The following CACNA2D3 variants were observed in gnomAD, a reference collection of about 807,000 sequenced individuals.
The protein encoded by CACNA2D3 is voltage-dependent calcium channel subunit alpha-2/delta-3.
In CACNA2D3, 60 loss-of-function variants were observed where a neutral mutation model predicts 160.6. That is an observed-to-expected ratio of 0.37 (90% confidence interval 0.30 to 0.46). The LOEUF is 0.46. CACNA2D3 is among the 20% of genes least tolerant of loss of function. The pLI, the probability that CACNA2D3 is intolerant of heterozygous loss-of-function variation, is 1.00. For missense variants in CACNA2D3, 1,205 were observed against 1,365.0 expected (o/e 0.88, Z 1.85); for synonymous variants, 558 against 492.9 (o/e 1.13, Z -1.75).
chr3:54,289,184 C>G (rs373299635), intron 2 of CACNA2D3, among the ~76,000 whole-genome samples: 1 of 152,152 alleles, frequency 6.6e-6, no homozygotes, highest in Non-Finnish European at 1.5e-5. Context: ...AAATCTCCTT[C>G]AGCTGATAAG....
At chr3:54,551,651 C>G (rs1702159760) in intron 5 of CACNA2D3, among the ~76,000 whole-genome samples, 1 of 152,270 alleles carries the variant, frequency 6.6e-6, no homozygotes, top group Non-Finnish European at 1.5e-5. Context: ...GGATTAATCT[C>G]TCTGTGATGA....
chr3:54,172,233 T>C (rs1049635631), intron 2 of CACNA2D3, among the ~76,000 whole-genome samples: 1 of 152,208 alleles, frequency 6.6e-6, no homozygotes, highest in Non-Finnish European at 1.5e-5. Flanking sequence ...TTGAAAGGTG[T>C]TCATTTGATT....
chr3:54,335,431 T>C (rs1704352728), intron 3 of CACNA2D3, among the ~76,000 whole-genome samples: 1 of 152,254 alleles, frequency 6.6e-6, no homozygotes, highest in South Asian at 2.1e-4. Flanking sequence ...TTTCCCTTTT[T>C]AGACCATATA....
chr3:54,977,012 G>A (rs1248233049), intron 29 of CACNA2D3, among the ~76,000 whole-genome samples: 1 of 152,172 alleles, frequency 6.6e-6, no homozygotes, highest in African/African-American at 2.4e-5. Context: ...GTATGAAACT[G>A]TGTTTATTTT....
chr3:55,004,048 A>C (rs923890959), intron 31 of CACNA2D3, among the ~76,000 whole-genome samples: 3 of 152,206 alleles, frequency 2.0e-5, no homozygotes, highest in Non-Finnish European at 4.4e-5. Flanking sequence ...TTGATGGGGG[A>C]ATTAAAATAC....
intron 4 of CACNA2D3, among the ~76,000 whole-genome samples, chr3:54,435,955 C>T (rs994222518): frequency 8.6e-5 from 13 of 152,042 alleles, no homozygotes; most frequent in African/African-American, 2.4e-4. Context: ...AAAAACCTCA[C>T]GGGTTACACT....
chr3:54,945,969 A>G (rs1191107057), intron 27 of CACNA2D3, among the ~76,000 whole-genome samples: 1 of 152,198 alleles, frequency 6.6e-6, no homozygotes, highest in Non-Finnish European at 1.5e-5. Context: ...TCTTCACAAG[A>G]GTTCTTTGCC....
intron 35 of CACNA2D3, among the ~76,000 whole-genome samples, chr3:55,045,794 AAT>A (rs1704065605): frequency 8.0e-6 from 1 of 124,524 alleles, no homozygotes; most frequent in South Asian, 2.5e-4. Context: ...TTTACTTTGT[AAT>A]AGATAAAACA....
At chr3:54,468,894 C>A (rs936842013) in intron 4 of CACNA2D3, among the ~76,000 whole-genome samples, 1 of 152,084 alleles carries the variant, frequency 6.6e-6, no homozygotes. Context: ...TTTCTGGGTA[C>A]GACATCTCTG....
At chr3:54,979,090 A>G (rs1166167795) in intron 29 of CACNA2D3, among the ~76,000 whole-genome samples, 1 of 152,214 alleles carries the variant, frequency 6.6e-6, no homozygotes, top group East Asian at 1.9e-4. Context: ...TTTTAAAGCC[A>G]AGCCTAGCCA....
chr3:54,179,179 AAG>A (rs1559873404), intron 2 of CACNA2D3, among the ~76,000 whole-genome samples: 2 of 152,214 alleles, frequency 1.3e-5, no homozygotes, highest in African/African-American at 4.8e-5. Context: ...GAAAAAGGGA[AAG>A]AGAAATAGCC....
intron 2 of CACNA2D3, among the ~76,000 whole-genome samples, chr3:54,245,224 T>TAAAA (rs932166414): frequency 1.3e-5 from 2 of 151,874 alleles, no homozygotes; most frequent in Admixed American, 1.3e-4. Flanking sequence ...ATTTTTTTTT[T>TAAAA]AAAAAATTTA....
At chr3:54,439,425 C>G (rs368376755) in intron 4 of CACNA2D3, among the ~76,000 whole-genome samples, 1 of 152,098 alleles carries the variant, frequency 6.6e-6, no homozygotes. Flanking sequence ...GAAGAGAGTT[C>G]TTAGCAACCA....
chr3:54,393,132 C>T (rs1053319833), intron 4 of CACNA2D3, among the ~76,000 whole-genome samples: 3 of 152,178 alleles, frequency 2.0e-5, no homozygotes, highest in African/African-American at 2.4e-5. Context: ...CTACCCCATC[C>T]CCAAGGTGGG....
At chr3:54,461,745 T>G (rs1462749760) in intron 4 of CACNA2D3, among the ~76,000 whole-genome samples, 2 of 152,114 alleles carry the variant, frequency 1.3e-5, no homozygotes, top group African/African-American at 4.8e-5. Context: ...ATTGATTAAT[T>G]TTTTGAAGGG....
intron 35 of CACNA2D3, among the ~76,000 whole-genome samples, chr3:55,021,627 ATATATATATATATATATGTG>A (rs1313045119): frequency 8.9e-6 from 1 of 111,848 alleles, no homozygotes; most frequent in Non-Finnish European, 1.7e-5. Context: ...GTGTGTGTGT[ATATATATATATATATATGTG>A]TATATATATA....
chr3:54,966,330 AATGCAGTCAACT>A (rs1409202385), intron 27 of CACNA2D3, among the ~76,000 whole-genome samples: 1 of 152,134 alleles, frequency 6.6e-6, no homozygotes, highest in Non-Finnish European at 1.5e-5. Flanking sequence ...ATTTATTTGA[AATGCAGTCAACT>A]ACCATCAGAC....
At chr3:54,369,659 C>T (rs1284999069) in intron 3 of CACNA2D3, among the ~76,000 whole-genome samples, 3 of 152,192 alleles carry the variant, frequency 2.0e-5, no homozygotes, top group Non-Finnish European at 4.4e-5. Context: ...TCCCCAAGGG[C>T]GTGTCGGCCT....
At chr3:54,437,535 T>A (rs1700079066) in intron 4 of CACNA2D3, among the ~76,000 whole-genome samples, 1 of 152,238 alleles carries the variant, frequency 6.6e-6, no homozygotes, top group Non-Finnish European at 1.5e-5. Flanking sequence ...ATGTGAGCTC[T>A]AAGAGACTCA....
Sources: gnomAD v4.1 joint callset for allele counts (sites outside exome capture counted in the v4.1 genomes callset) on GRCh38, gnomAD v4.1.1 for gene constraint, MANE v1.5 for transcripts, NCBI Gene and HGNC (gene_info 2026-07-23, HGNC 2026-07-21) for gene names.